The following LYPLAL1 variants were observed in gnomAD, a reference collection of about 807,000 sequenced individuals.
The protein encoded by LYPLAL1 is lysophospholipase like 1, also known as lysophospholipase-like protein 1.
LYPLAL1 carries 23 observed loss-of-function variants against 19.7 expected under a neutral mutation model. That is an observed-to-expected ratio of 1.17 (90% CI 0.84 to 1.65). The LOEUF is 1.65. LYPLAL1 is among the 40% of genes most tolerant of loss of function. The probability of loss-of-function intolerance (pLI) is 0.00; values close to 1 mark genes in which losing one functional copy is unlikely to be tolerated. For synonymous variants in LYPLAL1, 119 were observed against 96.3 expected, an observed-to-expected ratio of 1.24 and a Z score of -1.38; for missense variants, 355 against 279.4, an observed-to-expected ratio of 1.27 and a Z score of -1.93.
intron 3 of LYPLAL1, among the ~76,000 whole-genome samples, chr1:219,195,215 G>T (rs147070168): frequency 2.4e-4 from 37 of 152,114 alleles, no homozygotes; most frequent in African/African-American, 8.7e-4. Flanking sequence ...CCTTTATTTT[G>T]TAGGTATAAT....
chr1:219,263,438 A>G, the LYPLAL1 span, among the ~76,000 whole-genome samples: 1 of 152,148 alleles, frequency 6.6e-6, no homozygotes, highest in East Asian at 1.9e-4. Context: ...GAAAGCAAGC[A>G]TGGCTTTTAG....
chr1:219,194,899 A>G (rs1161311699), intron 3 of LYPLAL1, among the ~76,000 whole-genome samples: 1 of 152,056 alleles, frequency 6.6e-6, no homozygotes, highest in Non-Finnish European at 1.5e-5. Flanking sequence ...GGACAGAGTA[A>G]TGCTTTTTGT....
the LYPLAL1 span, among the ~76,000 whole-genome samples, chr1:219,229,822 C>G: frequency 1.3e-5 from 2 of 152,188 alleles, no homozygotes; most frequent in Admixed American, 6.5e-5. Context: ...AACTTTTCCC[C>G]TTTCACTTGG....
chr1:219,213,184 T>G (rs1376694037), downstream of LYPLAL1, among the ~76,000 whole-genome samples: 1 of 152,058 alleles, frequency 6.6e-6, no homozygotes, highest in Non-Finnish European at 1.5e-5. Context: ...GAAACAACTA[T>G]CATCCATGGA....
chr1:219,374,116 A>G, the LYPLAL1 span, among the ~76,000 whole-genome samples: 1 of 151,674 alleles, frequency 6.6e-6, no homozygotes, highest in Non-Finnish European at 1.5e-5. Context: ...GCAGATTACA[A>G]ATCACATGGT....
At chr1:219,440,433 A>G in the LYPLAL1 span, among the ~76,000 whole-genome samples, 40,020 of 151,934 alleles carry the variant, frequency 0.26, 5,439 homozygotes, top group African/African-American at 0.29. Context: ...ATGAGCCTGG[A>G]TCTTCATGTA....
chr1:219,289,955 G>A, the LYPLAL1 span, among the ~76,000 whole-genome samples: 1 of 152,120 alleles, frequency 6.6e-6, no homozygotes, highest in Non-Finnish European at 1.5e-5. Flanking sequence ...AGTGTCTAAT[G>A]GCCAATCCTA....
chr1:219,360,564 C>A, the LYPLAL1 span, among the ~76,000 whole-genome samples: 1 of 152,086 alleles, frequency 6.6e-6, no homozygotes, highest in Admixed American at 6.5e-5. Context: ...AGAGTAAACT[C>A]AGTTACATTT....
chr1:219,212,537 T>C lies in LYPLAL1; in HGVS notation c.*809T>C, dbSNP rs1659122449. On this transcript the variant is annotated 3_prime_UTR_variant, in exon 5 of 5. Coordinates refer to ENST00000366928, the MANE Select transcript of LYPLAL1 (RefSeq NM_138794.5). ...AATTGTATTACTTCAATGAAAATAC[T>C]ATAAATAATAACATTTTCATATATT... The C allele has an allele frequency of 6.6e-6, 1 of 152,084 alleles. No individual in the cohort carries two copies. The highest frequency in any genetic ancestry group is 2.4e-5 in the African/African-American group (1 of 41,438). The allele number at this position is 152,084 out of a possible 1,614,324, so 9.4% of individuals were successfully genotyped here.
At chr1:219,385,042 A>G in the LYPLAL1 span, among the ~76,000 whole-genome samples, 31 of 152,226 alleles carry the variant, frequency 2.0e-4, no homozygotes, top group South Asian at 6.2e-3. Context: ...TCTCCCAGTA[A>G]TGTTCTGCAG....
the LYPLAL1 span, among the ~76,000 whole-genome samples, chr1:219,276,179 A>C: frequency 6.6e-6 from 1 of 152,096 alleles, no homozygotes; most frequent in South Asian, 2.1e-4. Context: ...CACTTGAAGA[A>C]AAAAAAACAT....
the LYPLAL1 span, among the ~76,000 whole-genome samples, chr1:219,347,930 G>A: frequency 6.6e-6 from 1 of 151,640 alleles, no homozygotes; most frequent in Non-Finnish European, 1.5e-5. Flanking sequence ...CTTAAAATAT[G>A]TTCCTTGGCA....
At chr1:219,393,168 G>T in the LYPLAL1 span, among the ~76,000 whole-genome samples, 1 of 152,164 alleles carries the variant, frequency 6.6e-6, no homozygotes, top group African/African-American at 2.4e-5. Context: ...TATGTCTTTG[G>T]TTTTGAGCCT....
the LYPLAL1 span, among the ~76,000 whole-genome samples, chr1:219,228,646 T>A: frequency 6.6e-6 from 1 of 152,086 alleles, no homozygotes; most frequent in African/African-American, 2.4e-5. Context: ...TTTTTTCAAA[T>A]ACAATTATAA....
chr1:219,373,990 T>C, the LYPLAL1 span, among the ~76,000 whole-genome samples: 1 of 151,930 alleles, frequency 6.6e-6, no homozygotes, highest in South Asian at 2.1e-4. Flanking sequence ...TGCCTGCAAA[T>C]TTTTAATCAT....
the LYPLAL1 span, among the ~76,000 whole-genome samples, chr1:219,286,194 A>G: frequency 1.3e-5 from 2 of 152,150 alleles, no homozygotes; most frequent in African/African-American, 4.8e-5. Flanking sequence ...CAGTTGCAAT[A>G]GGCTGGCTAG....
At chr1:219,317,750 A>T in the LYPLAL1 span, among the ~76,000 whole-genome samples, 1 of 152,200 alleles carries the variant, frequency 6.6e-6, no homozygotes, top group Admixed American at 6.5e-5. Flanking sequence ...TCCTGATAGT[A>T]TACTCCTGCA....
chr1:219,215,344 T>C (rs1659253388), downstream of LYPLAL1, among the ~76,000 whole-genome samples: 1 of 152,174 alleles, frequency 6.6e-6, no homozygotes, highest in Non-Finnish European at 1.5e-5. Context: ...TTTATCTCTG[T>C]TCTTCTGTAT....
At chr1:219,436,810 G>C in the LYPLAL1 span, among the ~76,000 whole-genome samples, 7 of 152,144 alleles carry the variant, frequency 4.6e-5, no homozygotes, top group Non-Finnish European at 1.0e-4. Flanking sequence ...CTCCATAAGA[G>C]AACAGCTGGC....
Sources: allele counts gnomAD v4.1 joint callset (sites outside exome capture counted in the v4.1 genomes callset), GRCh38; gene constraint gnomAD v4.1.1; transcripts MANE v1.5; gene names NCBI Gene and HGNC (gene_info 2026-07-23, HGNC 2026-07-21).